The following NAE1 variants were observed in gnomAD, a reference collection of about 807,000 sequenced individuals.
NAE1 encodes the protein NEDD8-activating enzyme E1 regulatory subunit.
In NAE1, 59 loss-of-function variants were observed where a neutral mutation model predicts 88.0. That is an observed-to-expected ratio of 0.67 (90% CI 0.54 to 0.83). The LOEUF is 0.83. NAE1 is among the 40% of genes least tolerant of loss of function. NAE1 has a pLI of 0.00. For missense variants in NAE1, 554 were observed against 632.8 expected (o/e 0.88, Z 1.34); for synonymous variants, 186 against 208.9 (o/e 0.89, Z 0.95).
chr16:66,818,472 G>A, intron 8 of NAE1, 56 bp downstream of exon 8: 2 of 1,367,876 alleles, frequency 1.5e-6, no homozygotes, highest in South Asian at 1.4e-5. Context: ...AAAAACCTTA[G>A]GTTAAAAAAA....
At chr16:66,810,502 A>C in intron 14 of NAE1, 89 bp from the exon 15 acceptor site, 1 of 1,262,286 alleles carries the variant, frequency 7.9e-7, no homozygotes, top group Non-Finnish European at 1.1e-6. Context: ...GTGAGATGGG[A>C]AGGCTTTCTC....
intron 11 of NAE1, among the ~76,000 whole-genome samples, chr16:66,815,240 TAC>T (rs1959996770): frequency 6.6e-6 from 1 of 152,356 alleles, no homozygotes; most frequent in African/African-American, 2.4e-5. Flanking sequence ...TTCAGTGAAA[TAC>T]AGAGATTTCA....
intron 1 of NAE1, 32 bp downstream of exon 1, chr16:66,830,815 G>C: frequency 6.6e-7 from 1 of 1,508,714 alleles, no homozygotes; most frequent in Non-Finnish European, 8.8e-7. Context: ...AAGCCCGCCG[G>C]CCCGCCCTCG....
At chr16:66,820,859 C>T (rs1190685703) in intron 7 of NAE1, among the ~76,000 whole-genome samples, 1 of 147,892 alleles carries the variant, frequency 6.8e-6, no homozygotes, top group Non-Finnish European at 1.5e-5. Flanking sequence ...CAAGATCGCG[C>T]CACTGCAGTC....
At position 66,830,905 on chromosome 16, in the gene NAE1, C is replaced by G; in HGVS notation, c.-6G>C. 1 of 1,532,210 alleles carries G rather than the reference C, an allele frequency of 6.5e-7. No individual in the cohort carries two copies. The highest frequency in any genetic ancestry group is 2.6e-5 in the East Asian group (1 of 37,778). 94.9% of individuals were successfully genotyped at this position (1,532,210 alleles called of 1,614,324 possible). ...AGCTTTCCCAGCTGCGCCATGGCCG[C>G]GCCTGCCGCGCGGAAAACAGCCGAG... On this transcript the variant is annotated 5_prime_UTR_variant, in exon 1 of 20. Coordinates refer to ENST00000290810, the MANE Select transcript of NAE1 (RefSeq NM_003905.4).
At position 66,810,801 on chromosome 16, in the gene NAE1, C is replaced by T. The variant is rs752760955; in HGVS notation, c.1035-29G>A. 3 of 1,595,576 alleles carry T rather than the reference C, an allele frequency of 1.9e-6. No individual in the cohort carries two copies. In the East Asian group the frequency reaches 6.7e-5, roughly 36 times the overall value. ...AAAAAGAATAAAAAGCAATTACTAA[C>T]AAATTTTTAAATTAGCAAAATTTAA... On this transcript the variant is annotated intron_variant, in intron 13 of 19. Coordinates refer to ENST00000290810, the MANE Select transcript of NAE1 (RefSeq NM_003905.4).
chr16:66,823,499 A>G (rs956981362), intron 5 of NAE1, 30 bp downstream of exon 5: 1 of 1,561,356 alleles, frequency 6.4e-7, no homozygotes, highest in Admixed American at 1.8e-5. Flanking sequence ...GTATTTCAGC[A>G]CAGACATAAT....
chr16:66,802,946 A>G lies in NAE1; in HGVS notation c.*63T>C. Reference sequence around the variant, plus strand: ...TCTCCTTTAGAATTTTACAGACTAAAGCACAACCCGAAGGCAATTACAGTT... The same window carrying G: ...TCTCCTTTAGAATTTTACAGACTAAGGCACAACCCGAAGGCAATTACAGTT... On this transcript the variant is annotated 3_prime_UTR_variant, in exon 20 of 20. Transcript: ENST00000290810. 9.9e-7 allele frequency: 1 copy of G among 1,013,338 alleles called. No individual in the cohort carries two copies. 62.8% of individuals were successfully genotyped at this position (1,013,338 alleles called of 1,614,324 possible).
At chr16:66,822,676 T>A (rs1402987215) in intron 6 of NAE1, among the ~76,000 whole-genome samples, 1 of 145,672 alleles carries the variant, frequency 6.9e-6, no homozygotes, top group Non-Finnish European at 1.5e-5. Context: ...ATTTATTTAT[T>A]TTTTTTTTTT....
At chr16:66,814,885 C>T (rs942230783) in intron 11 of NAE1, among the ~76,000 whole-genome samples, 2 of 152,176 alleles carry the variant, frequency 1.3e-5, no homozygotes, top group African/African-American at 2.4e-5. Flanking sequence ...CCCCCTTTTA[C>T]ACTTCACTCC....
intron 9 of NAE1, 183 bp downstream of exon 9, chr16:66,817,242 T>A: frequency 1.1e-6 from 1 of 901,710 alleles, no homozygotes; most frequent in East Asian, 2.7e-5. Context: ...TTGAATTTCA[T>A]TTTAATTAAA....
At chr16:66,815,699 T>A (rs1200123848) in intron 11 of NAE1, among the ~76,000 whole-genome samples, 1 of 151,426 alleles carries the variant, frequency 6.6e-6, no homozygotes, top group Admixed American at 6.6e-5. Context: ...CTCGCTCTTG[T>A]TGCCCAGGCT....
chr16:66,806,520 G>C (rs1419902781), intron 17 of NAE1, among the ~76,000 whole-genome samples: 1 of 152,024 alleles, frequency 6.6e-6, no homozygotes, highest in African/African-American at 2.4e-5. Flanking sequence ...TGCCTGCCGG[G>C]TTCAAATGAT....
At chr16:66,811,862 T>G (rs1187719887) in intron 13 of NAE1, among the ~76,000 whole-genome samples, 3 of 152,186 alleles carry the variant, frequency 2.0e-5, no homozygotes, top group Non-Finnish European at 4.4e-5. Context: ...AAACCAAGAT[T>G]CGTTCAATGG....
intron 15 of NAE1, 108 bp from the exon 16 acceptor site, chr16:66,809,183 G>T: frequency 1.4e-6 from 1 of 691,354 alleles, no homozygotes; most frequent in Admixed American, 3.1e-5. Flanking sequence ...TCTCAGACAT[G>T]AGAATGTGAA....
rs771785450 is a variant in NAE1 at position 66,830,902 on chromosome 16, C to A, written c.-3G>T. On this transcript the variant is annotated 5_prime_UTR_variant, in exon 1 of 20. Transcript: ENST00000290810. ...AGCAGCTTTCCCAGCTGCGCCATGG[C>A]CGCGCCTGCCGCGCGGAAAACAGCC... is the stretch of plus-strand genomic sequence containing the variant. The A allele has an allele frequency of 5.2e-6, 8 of 1,532,178 alleles. No individual in the cohort carries two copies. The highest frequency in any genetic ancestry group is 5.3e-5 in the East Asian group (2 of 37,832). The allele number at this position is 1,532,178 out of a possible 1,614,324, so 94.9% of individuals were successfully genotyped here.
chr16:66,830,973 C>A lies in NAE1; in HGVS notation c.-74G>T. ...CACCAGCTCCACAAGCGCGCAGGCG[C>A]ACTGAGCGCCCCTTCGCCGCTACCG... On this transcript the variant is annotated 5_prime_UTR_variant, in exon 1 of 20. Coordinates refer to ENST00000290810, the MANE Select transcript of NAE1 (RefSeq NM_003905.4). 1 of 1,361,714 alleles carries A rather than the reference C, an allele frequency of 7.3e-7. No homozygotes were observed. Among genetic ancestry groups the A allele is most frequent in the Non-Finnish European group, 9.7e-7 (1 of 1,032,336 alleles). 84.4% of individuals were successfully genotyped at this position (1,361,714 alleles called of 1,614,324 possible).
At chr16:66,825,044 T>C (rs1406732151) in intron 3 of NAE1, among the ~76,000 whole-genome samples, 159 bp from the exon 4 acceptor site, 1 of 152,238 alleles carries the variant, frequency 6.6e-6, no homozygotes, top group Non-Finnish European at 1.5e-5. Flanking sequence ...CAGATGGAAC[T>C]TATAAAGAAA....
At position 66,823,560 on chromosome 16, in the gene NAE1, T is replaced by G; in HGVS notation, c.290A>C (p.Asn97Thr). The G allele has an allele frequency of 6.2e-7, 1 of 1,611,608 alleles. No individual in the cohort carries two copies. The highest frequency in any genetic ancestry group is 8.5e-7 in the Non-Finnish European group (1 of 1,179,388). ...CACAAAACTTCCAGAGACATCGCTA[T>G]TTAATTCTTGTAAGAATTCCATGGC... ...EAAMEFLQEL[N>T]SDVSGSFVEE... is the part of the protein sequence containing the mutation. The change falls in exon 5 of 20, where the codon AAT becomes ACT. Residue 97 changes from asparagine to threonine, a missense_variant. Asn to Thr is a moderately conservative substitution (Grantham distance 65). Transcript: ENST00000290810.
Sources: gnomAD v4.1 joint callset for allele counts (sites outside exome capture counted in the v4.1 genomes callset) on GRCh38, gnomAD v4.1.1 for gene constraint, MANE v1.5 for transcripts, NCBI Gene and HGNC (gene_info 2026-07-23, HGNC 2026-07-21) for gene names.